CNTN3: variants seen among roughly 807,000 people sequenced by gnomAD.
The protein encoded by CNTN3 is contactin-3.
Under a neutral mutation model 119.1 loss-of-function variants are expected in CNTN3, and 60 were observed. The ratio of observed to expected loss-of-function variants is 0.50; its 90% confidence interval spans 0.41 to 0.62. The LOEUF (loss-of-function observed/expected upper bound fraction) is 0.62. CNTN3 is among the 20% of genes least tolerant of loss of function. The probability of loss-of-function intolerance (pLI) is 0.00; values close to 1 mark genes in which losing one functional copy is unlikely to be tolerated. For missense variants in CNTN3, 1,101 were observed against 1,242.4 expected (o/e 0.89, Z 1.71); for synonymous variants, 450 against 438.7 (o/e 1.03, Z -0.32).
In CNTN3 at chr3:74,361,934, G is replaced by A; in HGVS notation, c.1320C>T (p.Leu440=). 1 of 1,613,764 alleles carries A rather than the reference G, an allele frequency of 6.2e-7. No homozygotes were observed. Among genetic ancestry groups the A allele is most frequent in the South Asian group, 1.1e-5 (1 of 91,062 alleles). The change falls in exon 11 of 23, where the codon CTC becomes CTT. Residue 440 remains leucine (L), a synonymous_variant. Transcript: ENST00000263665. Reference sequence around the variant, plus strand: ...TCACATCCCCCTTCTTCCAGGAAGAGAGTGCCCTTGGGGAGGCTCTGGGTT... The same window carrying A: ...TCACATCCCCCTTCTTCCAGGAAGAAAGTGCCCTTGGGGAGGCTCTGGGTT... ...DCKPRASPRA[L]SSWKKGDVSV... is the part of the protein sequence containing the mutation.
intron 2 of CNTN3, among the ~76,000 whole-genome samples, chr3:74,510,947 T>G (rs1440788429): frequency 1.3e-5 from 2 of 152,064 alleles, no homozygotes; most frequent in East Asian, 3.9e-4. Context: ...GGCTAGTTTG[T>G]TTTTTTCAAG....
chr3:74,267,599 T>A (rs965986795), intron 20 of CNTN3: 1 of 463,056 alleles, frequency 2.2e-6, no homozygotes, highest in African/African-American at 1.9e-5. Flanking sequence ...TGACACGTAA[T>A]TTATTCATGT....
chr3:74,321,876 T>C (rs764224927), intron 13 of CNTN3, among the ~76,000 whole-genome samples: 6 of 152,106 alleles, frequency 3.9e-5, no homozygotes, highest in African/African-American at 7.2e-5. Flanking sequence ...TTACATATAA[T>C]AGATACATTG....
intron 11 of CNTN3, among the ~76,000 whole-genome samples, chr3:74,361,083 G>A (rs1220780425): frequency 1.3e-5 from 2 of 152,026 alleles, no homozygotes; most frequent in Non-Finnish European, 2.9e-5. Flanking sequence ...CACAAGCTCT[G>A]AGCATAATCC....
intron 5 of CNTN3, among the ~76,000 whole-genome samples, chr3:74,398,993 C>G (rs1218029678): frequency 6.6e-6 from 1 of 152,150 alleles, no homozygotes; most frequent in Non-Finnish European, 1.5e-5. Context: ...TCTACCAACT[C>G]AAACATTTAT....
At chr3:74,294,490 C>T (rs530454455) in intron 19 of CNTN3, among the ~76,000 whole-genome samples, 1 of 152,306 alleles carries the variant, frequency 6.6e-6, no homozygotes, top group South Asian at 2.1e-4. Context: ...CTCCTTCCAC[C>T]TTTACTTACT....
rs867378678 is a variant in CNTN3 at position 74,488,273 on chromosome 3, T to G, written c.183-1642A>C. On this transcript the variant is annotated intron_variant, in intron 3 of 22. Transcript: ENST00000263665. ...GACTACAGGCGCCCGACACCACGCC[T>G]GGCTAATTTTTTTGTATTTTTAGTA... is the stretch of plus-strand genomic sequence containing the variant. Among the ~76,000 whole-genome samples, 7 of 151,964 alleles carry G rather than the reference T, an allele frequency of 4.6e-5. No homozygotes were observed. In the South Asian group the frequency reaches 8.3e-4, roughly 18 times the overall value.
intron 1 of CNTN3, among the ~76,000 whole-genome samples, chr3:74,602,628 G>A (rs769789079): frequency 6.6e-6 from 1 of 152,006 alleles, no homozygotes; most frequent in Non-Finnish European, 1.5e-5. Context: ...TTGGGGCATA[G>A]TTCTTGTTAA....
At chr3:74,467,438 G>T (rs536077855) in intron 4 of CNTN3, among the ~76,000 whole-genome samples, 2 of 152,208 alleles carry the variant, frequency 1.3e-5, no homozygotes, top group South Asian at 4.1e-4. Flanking sequence ...TGGTTTTAAA[G>T]ACATTTTCCA....
intron 20 of CNTN3, among the ~76,000 whole-genome samples, chr3:74,275,610 TA>T (rs1701863615): frequency 6.6e-6 from 1 of 151,916 alleles, no homozygotes; most frequent in Admixed American, 6.6e-5. Context: ...CAAGAACTGC[TA>T]AAAGGAGCTC....
chr3:74,274,470 A>T (rs1212935177), intron 20 of CNTN3, among the ~76,000 whole-genome samples: 1 of 152,182 alleles, frequency 6.6e-6, no homozygotes, highest in Non-Finnish European at 1.5e-5. Context: ...GATGGTTTAC[A>T]TCATAGGACT....
chr3:74,374,254 C>A (rs1704415528), intron 5 of CNTN3, among the ~76,000 whole-genome samples: 1 of 151,940 alleles, frequency 6.6e-6, no homozygotes. Flanking sequence ...AGGCTCTCTG[C>A]CCATTTCTGC....
At chr3:74,366,780 G>GTATATATATATATATA (rs59223804) in intron 8 of CNTN3, among the ~76,000 whole-genome samples, 5,375 of 63,368 alleles carry the variant, frequency 0.085, 557 homozygotes, top group South Asian at 0.13. Context: ...GTGTGTGTGT[G>GTATATATATATATATA]TATATATATA....
At chr3:74,482,058 T>C (rs34344366) in intron 4 of CNTN3, among the ~76,000 whole-genome samples, 73,224 of 151,706 alleles carry the variant, frequency 0.48, 20,427 homozygotes, top group Non-Finnish European at 0.63. Context: ...CTAAGTTACA[T>C]ACTTTTTTCA....
In CNTN3 at chr3:74,299,830, C is replaced by T. The variant is rs192909399; in HGVS notation, c.2166+38G>A. The T allele has an allele frequency of 4.1e-5, 64 of 1,561,888 alleles. No homozygotes were observed. The African/African-American group carries it at 8.4e-4, about 21-fold the overall frequency. ...GAAGCCATAATGATCATGGGAACAGCAAGACCCTGATGGGGAAGATGCTGC... is the reference window on the plus strand; with the variant it reads ...GAAGCCATAATGATCATGGGAACAGTAAGACCCTGATGGGGAAGATGCTGC... On this transcript the variant is annotated intron_variant, in intron 17 of 22. Coordinates refer to ENST00000263665, the MANE Select transcript of CNTN3 (RefSeq NM_020872.3).
intron 1 of CNTN3, among the ~76,000 whole-genome samples, chr3:74,606,009 T>A: frequency 6.6e-6 from 1 of 152,192 alleles, no homozygotes; most frequent in Non-Finnish European, 1.5e-5. Context: ...TAATACATTT[T>A]ACATCCCCTA....
At chr3:74,569,948 G>A (rs749009016) in intron 1 of CNTN3, among the ~76,000 whole-genome samples, 4 of 152,132 alleles carry the variant, frequency 2.6e-5, no homozygotes, top group Non-Finnish European at 5.9e-5. Context: ...ACCATAGGAT[G>A]CACTTGGGAG....
At chr3:74,383,659 A>G (rs1279949160) in intron 5 of CNTN3, among the ~76,000 whole-genome samples, 1 of 151,644 alleles carries the variant, frequency 6.6e-6, no homozygotes, top group Non-Finnish European at 1.5e-5. Context: ...TAATTTTCTA[A>G]TTTTCTGTAG....
intron 1 of CNTN3, among the ~76,000 whole-genome samples, chr3:74,575,478 C>T (rs1351877005): frequency 6.6e-6 from 1 of 151,914 alleles, no homozygotes; most frequent in Non-Finnish European, 1.5e-5. Context: ...TCTTGAACTC[C>T]TAATTTCGTG....
Sources: allele counts gnomAD v4.1 joint callset (sites outside exome capture counted in the v4.1 genomes callset), GRCh38; gene constraint gnomAD v4.1.1; transcripts MANE v1.5; gene names NCBI Gene and HGNC (gene_info 2026-07-23, HGNC 2026-07-21).